Variants in FBLN1 observed in about 807,000 individuals in gnomAD.
FBLN1 encodes the protein fibulin 1, also known as fibulin-1.
FBLN1 carries 34 observed loss-of-function variants against 89.7 expected under a neutral mutation model. The ratio of observed to expected loss-of-function variants is 0.38; its 90% CI spans 0.29 to 0.50. The LOEUF is 0.50. Among genes scored for constraint, FBLN1 ranks in the 20% least tolerant of loss-of-function variants. The pLI is 0.92. For missense variants in FBLN1, 777 were observed against 988.1 expected (o/e 0.79, Z 2.86); for synonymous variants, 393 against 391.3 (o/e 1.00, Z -0.05).
chr22:45,551,029 T>C (rs2088694593), intron 14 of FBLN1: 3 of 308,990 alleles, frequency 9.7e-6, no homozygotes, highest in Non-Finnish European at 1.9e-5. Flanking sequence ...AGGGAGCCGA[T>C]GTGACCTGTT....
chr22:45,585,017 GA>G (rs1253212727), intron 16 of FBLN1, among the ~76,000 whole-genome samples: 1 of 152,234 alleles, frequency 6.6e-6, no homozygotes, highest in Non-Finnish European at 1.5e-5. Context: ...CTGCTTTTAA[GA>G]AGCTCCCCAC....
chr22:45,510,983 G>A (rs2088091894), intron 1 of FBLN1, among the ~76,000 whole-genome samples: 1 of 152,200 alleles, frequency 6.6e-6, no homozygotes, highest in African/African-American at 2.4e-5. Context: ...TGGCGTGTTG[G>A]CCATCGGGCA....
rs1013916109 is a variant in FBLN1 at position 45,580,292 on chromosome 22, C to T, written c.1972+3184C>T. On this transcript the variant is annotated intron_variant, in intron 16 of 16. Transcript: ENST00000327858. This position sits in a 1 kb window ranked among gnomAD's most constrained non-coding sequence, Gnocchi z 8.6. ...GTGGGAGGCTCTTGAGCCTCCTGGG[C>T]AGCCCCGTGCAGCTCTGTGCTGCCT... Among the ~76,000 whole-genome samples, 1 of 152,168 alleles carries T rather than the reference C, an allele frequency of 6.6e-6. No individual in the cohort carries two copies. The highest frequency in any genetic ancestry group is 2.4e-5 in the African/African-American group (1 of 41,454).
At chr22:45,507,544 T>G (rs910346334) in intron 1 of FBLN1, among the ~76,000 whole-genome samples, 23 of 152,126 alleles carry the variant, frequency 1.5e-4, no homozygotes, top group African/African-American at 4.8e-4. Context: ...ATTATTATTT[T>G]TGAGACGGGG....
intron 14 of FBLN1, chr22:45,551,173 C>G (rs1946626561): frequency 5.2e-6 from 1 of 192,512 alleles, no homozygotes; most frequent in Non-Finnish European, 1.1e-5. Flanking sequence ...TCACTCACTC[C>G]TAGGCCATCA....
intron 7 of FBLN1, 44 bp downstream of exon 7, chr22:45,533,942 T>C (rs1172344687): frequency 6.2e-7 from 1 of 1,611,526 alleles, no homozygotes; most frequent in African/African-American, 1.3e-5. Context: ...CTTCCAGGCG[T>C]AGATACGGCG....
chr22:45,547,109 C>A lies in FBLN1; in HGVS notation c.1346C>A (p.Pro449His). The change falls in exon 12 of 17, where the codon CCC becomes CAC. Residue 449 changes from proline to histidine, a missense_variant. By Grantham distance (77) the Pro-to-His change is moderately conservative. Transcript: ENST00000327858. ...GACATCAATGAGTGCAGCAGCAGCC[C>A]CTGTAGCCAGGAGTGTGCCAACGTC... Reference protein sequence around the residue: ...CEDINECSSSPCSQECANVYG... With the variant: ...CEDINECSSSHCSQECANVYG... 1 of 1,614,144 alleles carries A rather than the reference C, an allele frequency of 6.2e-7. No homozygotes were observed. The highest frequency in any genetic ancestry group is 2.2e-5 in the East Asian group (1 of 44,878).
rs1203609970 is a variant in FBLN1, at chr22:45,556,007, GTTT to G, written c.1697+5396_1697+5398del. 1.3e-5 allele frequency among the ~76,000 whole-genome samples: 2 copies of G among 152,164 alleles called. No homozygotes were observed. Among genetic ancestry groups the G allele is most frequent in the African/African-American group, 4.8e-5 (2 of 41,446 alleles). Reference sequence around the variant, plus strand: ...ATTTTTGATTGTTTTTTGTTTGTGTGTTTTTTAAGACAGAGTCTCCCTCTGTTG... The same window carrying G: ...ATTTTTGATTGTTTTTTGTTTGTGTGTTTAAGACAGAGTCTCCCTCTGTTG... On this transcript the variant is annotated intron_variant, in intron 14 of 16. Coordinates refer to ENST00000327858, the MANE Select transcript of FBLN1 (RefSeq NM_006486.3). The surrounding 1 kb of genome is among the most constrained non-coding windows in gnomAD (Gnocchi z 4.6).
chr22:45,564,742 G>A lies in FBLN1; in HGVS notation c.1698-9769G>A, dbSNP rs964755417. 3.4e-5 allele frequency: 32 copies of A among 954,670 alleles called. No homozygotes were observed. In the East Asian group the frequency reaches 5.7e-4, roughly 17 times the overall value. The allele number at this position is 954,670 out of a possible 1,614,324, so 59.1% of individuals were successfully genotyped here. A position where few individuals can be genotyped will look rare whatever the true frequency, so the allele number is the denominator to read the frequency against. ...GGACCAGGTCTATCTCATTCAGTGC[G>A]GTGTTCCCAGCTCCTTGCAAGACAT... is the stretch of plus-strand genomic sequence containing the variant. On this transcript the variant is annotated intron_variant, in intron 14 of 16. Coordinates refer to ENST00000327858, the MANE Select transcript of FBLN1 (RefSeq NM_006486.3).
chr22:45,520,085 G>A (rs912938636), intron 2 of FBLN1, among the ~76,000 whole-genome samples: 3 of 152,142 alleles, frequency 2.0e-5, no homozygotes, highest in Non-Finnish European at 4.4e-5. Flanking sequence ...CAAGAGAATC[G>A]CTTGAACCCG....
chr22:45,529,477 G>A (rs2088374618), intron 4 of FBLN1, among the ~76,000 whole-genome samples: 1 of 152,210 alleles, frequency 6.6e-6, no homozygotes. Flanking sequence ...AATTAACCTG[G>A]AAGAAGGCAG....
intron 16 of FBLN1, among the ~76,000 whole-genome samples, chr22:45,591,594 C>T (rs1351689548): frequency 1.3e-5 from 2 of 152,160 alleles, no homozygotes; most frequent in Non-Finnish European, 2.9e-5. Flanking sequence ...AAATATGCAG[C>T]CCAGACACCT....
intron 16 of FBLN1, among the ~76,000 whole-genome samples, chr22:45,584,391 G>T (rs1475229524): frequency 6.6e-6 from 1 of 152,126 alleles, no homozygotes; most frequent in Non-Finnish European, 1.5e-5. Flanking sequence ...GGGTGTATAA[G>T]GATTATTACC....
intron 2 of FBLN1, among the ~76,000 whole-genome samples, chr22:45,524,903 A>G (rs998779107): frequency 1.3e-5 from 2 of 152,074 alleles, no homozygotes; most frequent in Non-Finnish European, 2.9e-5. Context: ...TGGCCAACAC[A>G]GTGAAACCCC....
chr22:45,540,747 C>T (rs2088544828), intron 8 of FBLN1, among the ~76,000 whole-genome samples: 1 of 152,198 alleles, frequency 6.6e-6, no homozygotes. Context: ...TGTGTCCACT[C>T]AAGGAAGGAG....
chr22:45,502,930 C>G lies in FBLN1; in HGVS notation c.-56C>G. 1 of 806,214 alleles carries G rather than the reference C, an allele frequency of 1.2e-6. No homozygotes were observed. The highest frequency in any genetic ancestry group is 1.5e-6 in the Non-Finnish European group (1 of 653,922). The allele number at this position is 806,214 out of a possible 1,614,324, so 49.9% of individuals were successfully genotyped here. On this transcript the variant is annotated 5_prime_UTR_variant, in exon 1 of 17. Transcript: ENST00000327858. ...GAGCGTGGAGCCCGCGCCGCTGCCCCAGGACCGCGCCCGCGCCTTTGTCCG... is the reference window on the plus strand; with the variant it reads ...GAGCGTGGAGCCCGCGCCGCTGCCCGAGGACCGCGCCCGCGCCTTTGTCCG...
At chr22:45,526,400 T>G (rs1454888649) in intron 3 of FBLN1, among the ~76,000 whole-genome samples, 4 of 152,120 alleles carry the variant, frequency 2.6e-5, no homozygotes, top group Non-Finnish European at 5.9e-5. Context: ...AAACCCAAGG[T>G]GTCCAGGCCA....
intron 16 of FBLN1, among the ~76,000 whole-genome samples, chr22:45,594,271 G>A (rs1024566546): frequency 6.6e-6 from 1 of 151,792 alleles, no homozygotes; most frequent in African/African-American, 2.4e-5. Flanking sequence ...TAGAATTCGT[G>A]ATGGGGAGGC....
At chr22:45,592,134 A>G (rs2089143423) in intron 16 of FBLN1, among the ~76,000 whole-genome samples, 1 of 152,150 alleles carries the variant, frequency 6.6e-6, no homozygotes, top group Non-Finnish European at 1.5e-5. Context: ...TGCTACTAGT[A>G]GCGCCTCATT....
Sources: allele counts gnomAD v4.1 joint callset (sites outside exome capture counted in the v4.1 genomes callset), GRCh38; gene constraint gnomAD v4.1.1; non-coding constraint Gnocchi (gnomAD v3.1); transcripts MANE v1.5; gene names NCBI Gene and HGNC (gene_info 2026-07-23, HGNC 2026-07-21).